ALCAM: variants seen among roughly 807,000 people sequenced by gnomAD.
ALCAM encodes activated leukocyte cell adhesion molecule.
A neutral mutation model predicts 70.9 loss-of-function variants in ALCAM; 30 were observed. The observed-to-expected ratio is 0.42, with a 90% CI of 0.32 to 0.57. The LOEUF is 0.57. Among genes scored for constraint, ALCAM ranks in the 20% least tolerant of loss-of-function variants. The probability of loss-of-function intolerance (pLI) is 0.11; values close to 1 mark genes in which losing one functional copy is unlikely to be tolerated. For synonymous variants in ALCAM, 249 were observed against 242.5 expected (o/e 1.03, Z -0.25); for missense variants, 591 against 695.1 (o/e 0.85, Z 1.68).
At chr3:105,462,147 G>C (rs1937612480) in intron 1 of ALCAM, among the ~76,000 whole-genome samples, 1 of 151,600 alleles carries the variant, frequency 6.6e-6, no homozygotes, top group Non-Finnish European at 1.5e-5. Flanking sequence ...ATTTAGAAAT[G>C]GGTAGCCAAA....
chr3:105,402,245 G>C (rs1484655046), intron 1 of ALCAM, among the ~76,000 whole-genome samples: 1 of 152,150 alleles, frequency 6.6e-6, no homozygotes, highest in Admixed American at 6.5e-5. Flanking sequence ...TGTCGATATT[G>C]CAACTAGAAG....
intron 2 of ALCAM, among the ~76,000 whole-genome samples, chr3:105,523,333 T>C (rs1939604639): frequency 6.6e-6 from 1 of 152,146 alleles, no homozygotes. Context: ...TTAAAACAGT[T>C]AAGAAGAATA....
intron 1 of ALCAM, among the ~76,000 whole-genome samples, chr3:105,389,712 G>A (rs1330172025): frequency 3.3e-5 from 5 of 151,328 alleles, no homozygotes; most frequent in African/African-American, 9.7e-5. Flanking sequence ...GCATGCATTA[G>A]CTGTTTATCC....
rs1484046347 is a variant in ALCAM at position 105,392,677 on chromosome 3, T to G, written c.73+25196T>G. 4.6e-5 allele frequency among the ~76,000 whole-genome samples: 7 copies of G among 151,852 alleles called. No homozygotes were observed. In the East Asian group the frequency reaches 1.4e-3, roughly 29 times the overall value. ...TCTTTCAGTTGTGATGTTAGGTTTA[T>G]GATTTGAGATCTTTCTAACTTTTTG... On this transcript the variant is annotated intron_variant, in intron 1 of 15. Coordinates refer to ENST00000306107, the MANE Select transcript of ALCAM (RefSeq NM_001627.4).
chr3:105,526,563 G>A (rs1044771919), intron 3 of ALCAM, among the ~76,000 whole-genome samples: 1 of 152,104 alleles, frequency 6.6e-6, no homozygotes, highest in Non-Finnish European at 1.5e-5. Context: ...CTGTGGGCCA[G>A]GGAGAATTTA....
At chr3:105,542,121 T>C (rs901440680) in intron 8 of ALCAM, among the ~76,000 whole-genome samples, 4 of 151,874 alleles carry the variant, frequency 2.6e-5, no homozygotes, top group Admixed American at 1.3e-4. Flanking sequence ...AGCTTTGCAG[T>C]TGACCCAGCA....
chr3:105,498,791 A>G (rs745332130), intron 1 of ALCAM, among the ~76,000 whole-genome samples: 1 of 152,188 alleles, frequency 6.6e-6, no homozygotes, highest in Non-Finnish European at 1.5e-5. Flanking sequence ...TAGTTTAACA[A>G]TTAAGATGAT....
intron 14 of ALCAM, among the ~76,000 whole-genome samples, chr3:105,569,500 T>C (rs1940818599): frequency 1.3e-5 from 2 of 152,158 alleles, no homozygotes; most frequent in African/African-American, 4.8e-5. Flanking sequence ...ATCACTCAAG[T>C]TCTGTCATTT....
At chr3:105,469,687 G>A (rs925424550) in intron 1 of ALCAM, among the ~76,000 whole-genome samples, 19 of 150,916 alleles carry the variant, frequency 1.3e-4, no homozygotes, top group African/African-American at 4.6e-4. Flanking sequence ...GTATCTGTAG[G>A]GAAGTTGGTC....
At chr3:105,468,997 T>C (rs75041512) in intron 1 of ALCAM, among the ~76,000 whole-genome samples, 88,629 of 151,038 alleles carry the variant, frequency 0.59, 26,582 homozygotes, top group East Asian at 0.89. Context: ...GAACCAGTTC[T>C]TTTGAACTGG....
chr3:105,530,377 T>C (rs140778693), intron 3 of ALCAM, among the ~76,000 whole-genome samples: 18 of 152,186 alleles, frequency 1.2e-4, no homozygotes, highest in Admixed American at 3.9e-4. Context: ...CGTGAAAGGC[T>C]TTAACCCCCA....
intron 1 of ALCAM, among the ~76,000 whole-genome samples, chr3:105,383,493 T>C (rs1935577374): frequency 6.6e-6 from 1 of 151,784 alleles, no homozygotes; most frequent in Admixed American, 6.6e-5. Context: ...GAAGCCTATT[T>C]TAAACAACAA....
chr3:105,432,495 C>A (rs1279819836), intron 1 of ALCAM, among the ~76,000 whole-genome samples: 1 of 152,050 alleles, frequency 6.6e-6, no homozygotes, highest in African/African-American at 2.4e-5. Flanking sequence ...CTCCAGGAAG[C>A]TCTAGGTAGA....
At chr3:105,434,614 T>G (rs1413134740) in intron 1 of ALCAM, among the ~76,000 whole-genome samples, 1 of 152,124 alleles carries the variant, frequency 6.6e-6, no homozygotes, top group African/African-American at 2.4e-5. Context: ...CTAAAGTAAT[T>G]CATAGACCTG....
In ALCAM at chr3:105,474,985, CA is replaced by C. The variant is rs925615527; in HGVS notation, c.74-45073del. Among the ~76,000 whole-genome samples, 281 of 150,592 alleles carry C rather than the reference CA, an allele frequency of 1.9e-3. 2 individuals carry two copies. Among genetic ancestry groups the C allele is most frequent in the Non-Finnish European group, 2.6e-3 (178 of 67,498 alleles). On this transcript the variant is annotated intron_variant, in intron 1 of 15. Transcript: ENST00000306107. ...TCATCCTGTAGCAGCTCAATTTGAG[CA>C]AAAAAAAATTTAATTATCTAACAAC... is the stretch of plus-strand genomic sequence containing the variant.
chr3:105,574,511 C>A lies in ALCAM; in HGVS notation c.*60C>A, dbSNP rs1055894994. ...TCATATAGACCAATTGAAGCATGAA[C>A]GTGGATTGTATTTAAGACATAAACA... On this transcript the variant is annotated 3_prime_UTR_variant, in exon 16 of 16. Coordinates refer to ENST00000306107, the MANE Select transcript of ALCAM (RefSeq NM_001627.4). 1 of 152,088 alleles carries A rather than the reference C, an allele frequency of 6.6e-6. No individual in the cohort carries two copies. The highest frequency in any genetic ancestry group is 2.4e-5 in the African/African-American group (1 of 41,284). 9.4% of individuals were successfully genotyped at this position (152,088 alleles called of 1,614,324 possible).
At chr3:105,464,999 G>A (rs1405762318) in intron 1 of ALCAM, among the ~76,000 whole-genome samples, 2 of 151,232 alleles carry the variant, frequency 1.3e-5, no homozygotes, top group African/African-American at 4.8e-5. Flanking sequence ...TCATAAATTG[G>A]CTTTGTCTGA....
chr3:105,466,495 A>G (rs535972743), intron 1 of ALCAM, among the ~76,000 whole-genome samples: 4 of 151,466 alleles, frequency 2.6e-5, no homozygotes, highest in African/African-American at 9.7e-5. Flanking sequence ...TTCTTATATC[A>G]ATTTGTTCTT....
chr3:105,396,713 C>T (rs1023810896), intron 1 of ALCAM, among the ~76,000 whole-genome samples: 5 of 151,856 alleles, frequency 3.3e-5, no homozygotes, highest in South Asian at 2.1e-4. Flanking sequence ...ATGGTGTCAG[C>T]GATTATTGGG....
Sources: allele counts gnomAD v4.1 joint callset (sites outside exome capture counted in the v4.1 genomes callset), GRCh38; gene constraint gnomAD v4.1.1; transcripts MANE v1.5; gene names NCBI Gene and HGNC (gene_info 2026-07-23, HGNC 2026-07-21).